Variants in GLRX observed in about 807,000 individuals in gnomAD.
GLRX encodes glutaredoxin-1.
GLRX carries 9 observed loss-of-function variants against 11.1 expected under a neutral mutation model. That is an observed-to-expected ratio of 0.81 (90% confidence interval 0.49 to 1.42). The LOEUF is 1.42. Among genes scored for constraint, GLRX ranks in the 40% most tolerant of loss-of-function variants. The pLI, the probability that GLRX is intolerant of heterozygous loss-of-function variation, is 0.00. For synonymous variants in GLRX, 49 were observed against 49.5 expected (o/e 0.99, Z 0.04); for missense variants, 102 against 126.2 (o/e 0.81, Z 0.92).
At chr5:95,817,147 C>T (rs1747028687) in intron 1 of GLRX, 1 of 153,812 alleles carries the variant, frequency 6.5e-6, no homozygotes, top group Admixed American at 6.5e-5. Context: ...GGCACAGTGG[C>T]TCATGAATGT....
chr5:95,822,419 C>G (rs755222143), intron 1 of GLRX, 37 bp downstream of exon 1: 3 of 1,522,444 alleles, frequency 2.0e-6, no homozygotes, highest in Non-Finnish European at 2.7e-6. Flanking sequence ...AAAGGCAATC[C>G]GGGAGCCTTT....
chr5:95,820,179 C>T (rs971616636), intron 1 of GLRX, among the ~76,000 whole-genome samples: 1 of 151,234 alleles, frequency 6.6e-6, no homozygotes, highest in Non-Finnish European at 1.5e-5. Context: ...TAACAAGACC[C>T]CCATCTGTAC....
chr5:95,822,551 T>C lies in GLRX; in HGVS notation c.112A>G (p.Ile38Val), dbSNP rs572088205. ...RAQEILSQLP[I>V]KQGLLEFVDI... is the part of the protein sequence containing the mutation. ...ACAAATTCCAGAAGCCCTTGTTTGA[T>C]GGGCAATTGACTGAGGATCTCTTGG... is the stretch of plus-strand genomic sequence containing the variant. The change falls in exon 1 of 3, where the codon ATC becomes GTC. Residue 38 changes from isoleucine (I) to valine (V), a missense_variant. Coordinates refer to ENST00000237858, the MANE Select transcript of GLRX (RefSeq NM_001118890.2). The C allele has an allele frequency of 4.2e-5, 67 of 1,613,820 alleles. No individual in the cohort carries two copies. In the East Asian group the frequency reaches 1.3e-3, roughly 31 times the overall value.
At chr5:95,819,055 C>T (rs2112867070) in intron 1 of GLRX, 1 of 152,386 alleles carries the variant, frequency 6.6e-6, no homozygotes, top group East Asian at 1.9e-4. Flanking sequence ...AAACTGGACC[C>T]TGATGCTTCC....
In GLRX at chr5:95,814,272, A is replaced by T. The variant is rs1390280039; in HGVS notation, c.*124T>A. ...ATAACAGAGTGTTCCGCATGACCAC[A>T]GCCTCTGCACTTGTGCCTCTGATCC... On this transcript the variant is annotated 3_prime_UTR_variant, in exon 3 of 3. Transcript: ENST00000237858. 6.5e-6 allele frequency: 1 copy of T among 152,714 alleles called. No individual in the cohort carries two copies. The highest frequency in any genetic ancestry group is 6.5e-5 in the Admixed American group (1 of 15,284). The allele number at this position is 152,714 out of a possible 1,614,324, so 9.5% of individuals were successfully genotyped here. A position where few individuals can be genotyped will look rare whatever the true frequency, so the allele number is the denominator to read the frequency against.
chr5:95,816,648 G>A (rs1428152575), intron 1 of GLRX, 22 bp from the exon 2 acceptor site: 4 of 1,104,328 alleles, frequency 3.6e-6, no homozygotes, highest in Non-Finnish European at 5.6e-6. Context: ...CACGACCCAG[G>A]ACATTACTAC....
chr5:95,815,858 T>C (rs1335033665), intron 2 of GLRX, among the ~76,000 whole-genome samples: 1 of 152,248 alleles, frequency 6.6e-6, no homozygotes, highest in Non-Finnish European at 1.5e-5. Context: ...TCACATTGCG[T>C]TTTGAATAAA....
chr5:95,822,546 T>G lies in GLRX; in HGVS notation c.117A>C (p.Lys39Asn), dbSNP rs558576862. ...TATCGACAAATTCCAGAAGCCCTTG[T>G]TTGATGGGCAATTGACTGAGGATCT... The part of the protein sequence containing the change: ...AQEILSQLPI[K>N]QGLLEFVDIT... Residue 39 changes from lysine (K) to asparagine (N), a missense_variant, in exon 1 of 3, where the codon AAA (lysine) becomes AAC (asparagine). Coordinates refer to ENST00000237858, the MANE Select transcript of GLRX (RefSeq NM_001118890.2). 11 of 1,613,816 alleles carry G rather than the reference T, an allele frequency of 6.8e-6. No individual in the cohort carries two copies. In the East Asian group the frequency reaches 2.5e-4, roughly 36 times the overall value.
chr5:95,819,962 C>T (rs1747165420), intron 1 of GLRX, among the ~76,000 whole-genome samples: 1 of 150,152 alleles, frequency 6.7e-6, no homozygotes, highest in Non-Finnish European at 1.5e-5. Flanking sequence ...CAAACACTTC[C>T]CTGTTGGGGA....
chr5:95,818,810 C>G (rs1028278201), intron 1 of GLRX: 6 of 152,434 alleles, frequency 3.9e-5, no homozygotes, highest in African/African-American at 9.7e-5. Context: ...GTACCAGTCA[C>G]AGTTCTTCCA....
chr5:95,820,783 T>C (rs1397216531), intron 1 of GLRX, among the ~76,000 whole-genome samples: 2 of 151,194 alleles, frequency 1.3e-5, no homozygotes, highest in Non-Finnish European at 2.9e-5. Flanking sequence ...AGAACAATAA[T>C]CCCAATTGTG....
intron 1 of GLRX, chr5:95,819,110 ACTCCC>A (rs1275325890): frequency 1.3e-5 from 2 of 151,066 alleles, no homozygotes; most frequent in East Asian, 3.9e-4. Flanking sequence ...CCACTTACCA[ACTCCC>A]AACATACTGT....
In GLRX at chr5:95,814,111, C is replaced by T. The variant is rs1746895515; in HGVS notation, c.*285G>A. The T allele has an allele frequency of 6.6e-6, 1 of 152,284 alleles. No individual in the cohort carries two copies. Among genetic ancestry groups the T allele is most frequent in the Non-Finnish European group, 1.5e-5 (1 of 68,026 alleles). 9.4% of individuals were successfully genotyped at this position (152,284 alleles called of 1,614,324 possible). A position where few individuals can be genotyped will look rare whatever the true frequency, so the allele number is the denominator to read the frequency against. On this transcript the variant is annotated 3_prime_UTR_variant, in exon 3 of 3. Coordinates refer to ENST00000237858, the MANE Select transcript of GLRX (RefSeq NM_001118890.2). ...TTCTTAAGTTTTCAAAGTGTAGGAG[C>T]TCTTTCACAGATACACTCTTGGTGT... is the stretch of plus-strand genomic sequence containing the variant.
rs28926200 is a variant in GLRX at position 95,821,126 on chromosome 5, A to G, written c.207+1330T>C. Among the ~76,000 whole-genome samples, 11 of 152,238 alleles carry G rather than the reference A, an allele frequency of 7.2e-5. No individual in the cohort carries two copies. The East Asian group carries it at 2.1e-3, about 29-fold the overall frequency. ...CAAAACAAACGAACAAACAAAACTAATGCTTGGCTCCCACCTCTGACATTG... is the reference window on the plus strand; with the variant it reads ...CAAAACAAACGAACAAACAAAACTAGTGCTTGGCTCCCACCTCTGACATTG... On this transcript the variant is annotated intron_variant, in intron 1 of 2. Transcript: ENST00000237858.
intron 1 of GLRX, chr5:95,818,863 A>G (rs28926205): frequency 6.1e-4 from 93 of 152,410 alleles, no homozygotes; most frequent in Non-Finnish European, 8.2e-4. Flanking sequence ...TAACTCTCCT[A>G]CTGGCTCACA....
chr5:95,821,698 A>G (rs1170016741), intron 1 of GLRX, among the ~76,000 whole-genome samples: 1 of 152,208 alleles, frequency 6.6e-6, no homozygotes, highest in East Asian at 1.9e-4. Flanking sequence ...ACGCAAAGCC[A>G]AGGATGCTGA....
chr5:95,819,855 C>T (rs918711592), intron 1 of GLRX, among the ~76,000 whole-genome samples: 12 of 136,164 alleles, frequency 8.8e-5, no homozygotes, highest in East Asian at 7.0e-4. Context: ...GCTGAGATTG[C>T]GCCATTGCAC....
chr5:95,819,734 C>G (rs2112868014), intron 1 of GLRX, among the ~76,000 whole-genome samples: 1 of 151,924 alleles, frequency 6.6e-6, no homozygotes, highest in Middle Eastern at 3.4e-3. Flanking sequence ...CCCGTCTCTA[C>G]TAAACATACA....
At chr5:95,822,369 C>G in intron 1 of GLRX, 87 bp downstream of exon 1, 2 of 1,122,830 alleles carry the variant, frequency 1.8e-6, no homozygotes, top group South Asian at 2.5e-5. Context: ...AAGTACGGAG[C>G]CGCAGCCTTA....
Sources: allele counts gnomAD v4.1 joint callset (sites outside exome capture counted in the v4.1 genomes callset), GRCh38; gene constraint gnomAD v4.1.1; transcripts MANE v1.5; gene names NCBI Gene and HGNC (gene_info 2026-07-23, HGNC 2026-07-21).